The following RSPO2 variants were observed in gnomAD, a reference collection of about 807,000 sequenced individuals.
RSPO2 encodes the protein R-spondin-2.
Under a neutral mutation model 30.9 loss-of-function variants are expected in RSPO2, and 14 were observed. The ratio of observed to expected loss-of-function variants is 0.45; its 90% CI spans 0.30 to 0.71. The LOEUF (loss-of-function observed/expected upper bound fraction) is 0.71, where lower values mean the gene tolerates loss of function less well. Ranked by LOEUF, RSPO2 falls within the 30% of genes least tolerant of loss-of-function variation. RSPO2 has a pLI of 0.08. For synonymous variants in RSPO2, 107 were observed against 96.4 expected (o/e 1.11, Z -0.64); for missense variants, 264 against 301.9 (o/e 0.87, Z 0.93).
intron 5 of RSPO2, among the ~76,000 whole-genome samples, chr8:107,938,599 C>G (rs1462251780): frequency 6.6e-6 from 1 of 152,080 alleles, no homozygotes; most frequent in African/African-American, 2.4e-5. Flanking sequence ...TATTTGGAAG[C>G]TAAACATAAA....
At chr8:107,915,728 T>G (rs1811960983) in intron 5 of RSPO2, among the ~76,000 whole-genome samples, 1 of 152,168 alleles carries the variant, frequency 6.6e-6, no homozygotes, top group Admixed American at 6.6e-5. Flanking sequence ...TCAACAGGCC[T>G]GTCTTGGGAC....
intron 5 of RSPO2, among the ~76,000 whole-genome samples, chr8:107,956,674 C>A (rs1271683886): frequency 2.6e-5 from 4 of 152,044 alleles, no homozygotes; most frequent in African/African-American, 7.2e-5. Context: ...TTAATTTTTT[C>A]TATTAATGTA....
intron 3 of RSPO2, among the ~76,000 whole-genome samples, chr8:107,968,283 T>C (rs1027086005): frequency 2.6e-5 from 4 of 152,112 alleles, no homozygotes; most frequent in African/African-American, 9.6e-5. Context: ...TAGAATGAAA[T>C]CCTGTCATTT....
At chr8:108,000,469 C>T (rs540744974) in intron 2 of RSPO2, among the ~76,000 whole-genome samples, 8 of 151,946 alleles carry the variant, frequency 5.3e-5, no homozygotes, top group Non-Finnish European at 1.0e-4. Context: ...ATGAAAGGTA[C>T]TTTTGAGAAA....
At chr8:108,002,598 G>C (rs1815287984) in intron 2 of RSPO2, among the ~76,000 whole-genome samples, 1 of 152,000 alleles carries the variant, frequency 6.6e-6, no homozygotes, top group Non-Finnish European at 1.5e-5. Flanking sequence ...CTGCTTCCTA[G>C]AATAGAAACT....
At chr8:108,064,533 G>A (rs1812594535) in intron 2 of RSPO2, among the ~76,000 whole-genome samples, 1 of 152,224 alleles carries the variant, frequency 6.6e-6, no homozygotes, top group East Asian at 1.9e-4. Flanking sequence ...ACAGGTGCTG[G>A]AGAGGATGTG....
At chr8:107,933,999 CA>C (rs1029747940) in intron 5 of RSPO2, among the ~76,000 whole-genome samples, 8 of 151,878 alleles carry the variant, frequency 5.3e-5, no homozygotes, top group African/African-American at 1.7e-4. Flanking sequence ...AGACAATTCA[CA>C]AAAAAATGAA....
At chr8:107,914,997 G>A (rs74453262) in intron 5 of RSPO2, among the ~76,000 whole-genome samples, 1,998 of 152,026 alleles carry the variant, frequency 0.013, 14 homozygotes, top group Non-Finnish European at 0.016. Flanking sequence ...TCTTAAATTC[G>A]GGGTCACTGA....
At chr8:107,945,685 A>C (rs1313587150) in intron 5 of RSPO2, among the ~76,000 whole-genome samples, 1 of 152,066 alleles carries the variant, frequency 6.6e-6, no homozygotes, top group Non-Finnish European at 1.5e-5. Flanking sequence ...AGCTCAGTTT[A>C]TCTTTTCCCT....
chr8:107,955,404 C>T (rs1586575898), intron 5 of RSPO2, among the ~76,000 whole-genome samples: 1 of 152,010 alleles, frequency 6.6e-6, no homozygotes, highest in East Asian at 1.9e-4. Flanking sequence ...CAGACCAGGA[C>T]CCTGAAGAAT....
intron 3 of RSPO2, among the ~76,000 whole-genome samples, chr8:107,963,601 G>C (rs1159289857): frequency 6.7e-6 from 1 of 148,274 alleles, no homozygotes; most frequent in Non-Finnish European, 1.5e-5. Context: ...ACGTATGTGT[G>C]CGTGTGTTCA....
At position 108,059,272 on chromosome 8, in the gene RSPO2, C is replaced by A. The variant is rs1442870790; in HGVS notation, c.94+23273G>T. On this transcript the variant is annotated intron_variant, in intron 2 of 5. Coordinates refer to ENST00000276659, the MANE Select transcript of RSPO2 (RefSeq NM_178565.5). ...AAAAATGCTCACCATCACTGGCCAT[C>A]AGAGAAATGCAAATCAAAACCACAA... 4.0e-5 allele frequency among the ~76,000 whole-genome samples: 6 copies of A among 151,780 alleles called. 1 individual carries two copies. Among genetic ancestry groups the A allele is most frequent in the Admixed American group, 3.9e-4 (6 of 15,252 alleles).
intron 2 of RSPO2, among the ~76,000 whole-genome samples, chr8:108,071,474 G>A (rs552904108): frequency 1.5e-4 from 23 of 152,226 alleles, no homozygotes; most frequent in Admixed American, 8.5e-4. Flanking sequence ...TTCAAATTAC[G>A]TAGTTTCTTG....
At chr8:108,006,568 C>T (rs1176783986) in intron 2 of RSPO2, among the ~76,000 whole-genome samples, 5 of 147,900 alleles carry the variant, frequency 3.4e-5, no homozygotes, top group East Asian at 2.0e-4. Flanking sequence ...TAATTATTTA[C>T]ATTTTTATAG....
chr8:107,910,091 G>C (rs559960602), intron 5 of RSPO2, among the ~76,000 whole-genome samples: 1 of 152,260 alleles, frequency 6.6e-6, no homozygotes, highest in African/African-American at 2.4e-5. Context: ...TTGATTAGGA[G>C]GTATGGGATA....
At chr8:108,058,446 G>T (rs1211697159) in intron 2 of RSPO2, among the ~76,000 whole-genome samples, 2 of 152,144 alleles carry the variant, frequency 1.3e-5, no homozygotes, top group South Asian at 2.1e-4. Context: ...TAGATTCAAT[G>T]CTATCCCATC....
At chr8:107,968,350 A>G (rs116205793) in intron 3 of RSPO2, among the ~76,000 whole-genome samples, 27 of 152,166 alleles carry the variant, frequency 1.8e-4, no homozygotes, top group Non-Finnish European at 3.1e-4. Flanking sequence ...CCAGGCACAG[A>G]AAGACAAATA....
intron 5 of RSPO2, among the ~76,000 whole-genome samples, 185 bp downstream of exon 5, chr8:107,957,895 T>C (rs551149290): frequency 6.6e-6 from 1 of 152,350 alleles, no homozygotes; most frequent in African/African-American, 2.4e-5. Context: ...TAATAAAATA[T>C]GCACTTCATA....
chr8:107,933,551 T>G (rs981782363), intron 5 of RSPO2, among the ~76,000 whole-genome samples: 1 of 152,164 alleles, frequency 6.6e-6, no homozygotes. Flanking sequence ...ATGAAACCCA[T>G]GAACAGATTT....
Sources: allele counts gnomAD v4.1 joint callset (sites outside exome capture counted in the v4.1 genomes callset), GRCh38; gene constraint gnomAD v4.1.1; transcripts MANE v1.5; gene names NCBI Gene and HGNC (gene_info 2026-07-23, HGNC 2026-07-21).